Variants in TNR observed in about 807,000 individuals in gnomAD.
TNR encodes tenascin-R.
In TNR, 45 loss-of-function variants were observed where a neutral mutation model predicts 150.4. The ratio of observed to expected loss-of-function variants is 0.30; its 90% confidence interval spans 0.24 to 0.38. The LOEUF (loss-of-function observed/expected upper bound fraction) is 0.38. Ranked by LOEUF, TNR falls within the 10% of genes least tolerant of loss-of-function variation. The pLI, the probability that TNR is intolerant of heterozygous loss-of-function variation, is 1.00. For synonymous variants in TNR, 687 were observed against 678.4 expected, an observed-to-expected ratio of 1.01 and a Z score of -0.20; for missense variants, 1,544 against 1,759.1, an observed-to-expected ratio of 0.88 and a Z score of 2.19.
chr1:175,342,596 G>T (rs1650576272), intron 18 of TNR, among the ~76,000 whole-genome samples: 1 of 152,194 alleles, frequency 6.6e-6, no homozygotes, highest in Non-Finnish European at 1.5e-5. Context: ...ATTAGATGGG[G>T]GTGAGCCTGG....
intron 2 of TNR, among the ~76,000 whole-genome samples, chr1:175,409,650 A>G (rs961666866): frequency 8.5e-5 from 13 of 152,204 alleles, no homozygotes; most frequent in African/African-American, 2.9e-4. Context: ...TACTGCACTG[A>G]TTATTGATCA....
chr1:175,717,684 A>T (rs1667190243), intron 1 of TNR, among the ~76,000 whole-genome samples: 1 of 152,194 alleles, frequency 6.6e-6, no homozygotes, highest in South Asian at 2.1e-4. Flanking sequence ...CCTACAGTGG[A>T]GTCAGGCACA....
At chr1:175,559,234 G>A (rs1661316970) in intron 1 of TNR, among the ~76,000 whole-genome samples, 1 of 152,154 alleles carries the variant, frequency 6.6e-6, no homozygotes, top group South Asian at 2.1e-4. Context: ...AGAGTTGGTG[G>A]TTCCACACAC....
chr1:175,448,160 G>T (rs1656143936), intron 2 of TNR, among the ~76,000 whole-genome samples: 1 of 152,138 alleles, frequency 6.6e-6, no homozygotes, highest in East Asian at 1.9e-4. Flanking sequence ...CCGAGCCCTG[G>T]TAGGTAGCCT....
At chr1:175,410,231 G>A (rs1571401538) in intron 2 of TNR, among the ~76,000 whole-genome samples, 1 of 152,198 alleles carries the variant, frequency 6.6e-6, no homozygotes, top group African/African-American at 2.4e-5. Context: ...GCCCTGTGGG[G>A]AGATAAGGTC....
At chr1:175,600,855 A>T (rs1663205824) in intron 1 of TNR, among the ~76,000 whole-genome samples, 3 of 152,266 alleles carry the variant, frequency 2.0e-5, no homozygotes, top group Admixed American at 1.3e-4. Context: ...CATGACATTT[A>T]GTCAGATGCA....
At position 175,330,168 on chromosome 1, in the gene TNR, G is replaced by C. The variant is rs748419058; in HGVS notation, c.3699C>G (p.Gly1233=). ...RYELRVDMRD[G]QEAAFASYDR... ...CGTAGGAGGCGAAGGCGGCCTCTTGGCCATCCCGCATGTCCACGCGCAGCT... is the reference window on the plus strand; with the variant it reads ...CGTAGGAGGCGAAGGCGGCCTCTTGCCCATCCCGCATGTCCACGCGCAGCT... Residue 1233 remains glycine, a synonymous_variant, in exon 21 of 23, where the codon GGC becomes GGG. Transcript: ENST00000367674. 1.2e-5 allele frequency: 19 copies of C among 1,613,504 alleles called. No individual in the cohort carries two copies. Among genetic ancestry groups the C allele is most frequent in the Middle Eastern group, 1.6e-4 (1 of 6,062 alleles).
intron 2 of TNR, among the ~76,000 whole-genome samples, chr1:175,524,702 G>C (rs1659783431): frequency 6.6e-6 from 1 of 152,174 alleles, no homozygotes; most frequent in Admixed American, 6.5e-5. Flanking sequence ...ATAGCTCCAG[G>C]CTTAGCGAAG....
chr1:175,685,534 G>C (rs1485651224), intron 1 of TNR, among the ~76,000 whole-genome samples: 2 of 152,142 alleles, frequency 1.3e-5, no homozygotes, highest in East Asian at 3.9e-4. Context: ...CCATGACCAT[G>C]AATCCTGGCC....
At chr1:175,614,706 C>T (rs1243138073) in intron 1 of TNR, among the ~76,000 whole-genome samples, 10 of 152,174 alleles carry the variant, frequency 6.6e-5, no homozygotes, top group Non-Finnish European at 1.5e-4. Context: ...GCTCCCCTGC[C>T]GTGTTCCTCT....
At chr1:175,581,282 C>T (rs373657342) in intron 1 of TNR, among the ~76,000 whole-genome samples, 137 of 152,242 alleles carry the variant, frequency 9.0e-4, no homozygotes, top group African/African-American at 3.1e-3. Flanking sequence ...GCCATAGATG[C>T]GTCAAGAACA....
At chr1:175,565,367 T>C (rs1661600528) in intron 1 of TNR, among the ~76,000 whole-genome samples, 1 of 152,112 alleles carries the variant, frequency 6.6e-6, no homozygotes, top group South Asian at 2.1e-4. Flanking sequence ...CGGTGGAGGA[T>C]GAAAACAATA....
At chr1:175,347,227 A>G (rs1650837088) in intron 18 of TNR, among the ~76,000 whole-genome samples, 1 of 152,148 alleles carries the variant, frequency 6.6e-6, no homozygotes, top group South Asian at 2.1e-4. Flanking sequence ...TTAAATAGGT[A>G]TTATAAAAAC....
intron 1 of TNR, among the ~76,000 whole-genome samples, chr1:175,579,436 G>T (rs989246950): frequency 6.6e-6 from 1 of 152,038 alleles, no homozygotes; most frequent in Admixed American, 6.6e-5. Flanking sequence ...CGGAAGATAG[G>T]TGGGACTGGC....
intron 20 of TNR, among the ~76,000 whole-genome samples, chr1:175,331,058 T>TTTCTTTCTTTCCTTCCTTCCTTCC (rs1491379776): frequency 8.6e-6 from 1 of 116,208 alleles, no homozygotes; most frequent in African/African-American, 3.7e-5. Flanking sequence ...TCTTTCTTTC[T>TTTCTTTCTTTCCTTCCTTCCTTCC]TTCTTTCTTT....
chr1:175,408,011 A>G (rs1243134167), intron 2 of TNR, among the ~76,000 whole-genome samples: 1 of 152,166 alleles, frequency 6.6e-6, no homozygotes, highest in African/African-American at 2.4e-5. Flanking sequence ...TCTTTTCTCC[A>G]TAAGCATTTG....
At chr1:175,637,959 C>T (rs1417312196) in intron 1 of TNR, among the ~76,000 whole-genome samples, 1 of 152,130 alleles carries the variant, frequency 6.6e-6, no homozygotes, top group African/African-American at 2.4e-5. Flanking sequence ...AACTCCTTCT[C>T]CCCACCCCCA....
intron 1 of TNR, among the ~76,000 whole-genome samples, chr1:175,587,617 G>GT (rs1558023228): frequency 6.6e-6 from 1 of 152,156 alleles, no homozygotes. Context: ...AGGACCTGGT[G>GT]TCAGAAGCAT....
intron 2 of TNR, among the ~76,000 whole-genome samples, chr1:175,511,939 T>C (rs1253425682): frequency 1.3e-5 from 2 of 152,226 alleles, no homozygotes; most frequent in African/African-American, 4.8e-5. Context: ...TTCTCATTCA[T>C]TGCTAAAGTC....
Sources: allele counts gnomAD v4.1 joint callset (sites outside exome capture counted in the v4.1 genomes callset), GRCh38; gene constraint gnomAD v4.1.1; transcripts MANE v1.5; gene names NCBI Gene and HGNC (gene_info 2026-07-23, HGNC 2026-07-21).